ENOPH1: variants seen among roughly 807,000 people sequenced by gnomAD.
ENOPH1 encodes the protein enolase-phosphatase E1.
A neutral mutation model predicts 31.1 loss-of-function variants in ENOPH1; 14 were observed. That is an observed-to-expected ratio of 0.45 (90% CI 0.30 to 0.70). The LOEUF is 0.70. ENOPH1 is among the 30% of genes least tolerant of loss of function. ENOPH1 has a pLI of 0.09. For missense variants in ENOPH1, 243 were observed against 321.5 expected, an observed-to-expected ratio of 0.76 and a Z score of 1.87; for synonymous variants, 127 against 123.2, an observed-to-expected ratio of 1.03 and a Z score of -0.21.
intron 1 of ENOPH1, among the ~76,000 whole-genome samples, chr4:82,442,038 C>T (rs1019088608): frequency 2.0e-5 from 3 of 152,150 alleles, no homozygotes; most frequent in East Asian, 3.8e-4. Context: ...CTACCTGTGC[C>T]GATAAAGCTC....
chr4:82,458,457 C>T (rs969505358), intron 5 of ENOPH1, among the ~76,000 whole-genome samples: 1 of 152,208 alleles, frequency 6.6e-6, no homozygotes, highest in Admixed American at 6.5e-5. Flanking sequence ...TTGGGATGAG[C>T]CGAGATCATG....
At chr4:82,451,442 A>G (rs879039627) in intron 3 of ENOPH1, among the ~76,000 whole-genome samples, 197 bp downstream of exon 3, 1 of 151,922 alleles carries the variant, frequency 6.6e-6, no homozygotes, top group Admixed American at 6.6e-5. Context: ...GATTACCCGG[A>G]CCTGCCAGTC....
At chr4:82,430,981 T>G (rs1439387213) in intron 1 of ENOPH1, 68 bp downstream of exon 1, 1 of 1,453,834 alleles carries the variant, frequency 6.9e-7, no homozygotes, top group Non-Finnish European at 9.6e-7. Context: ...TCTAAGTATT[T>G]CAGGCCTTGC....
intron 1 of ENOPH1, among the ~76,000 whole-genome samples, chr4:82,441,820 A>T (rs1032379334): frequency 6.6e-6 from 1 of 152,110 alleles, no homozygotes; most frequent in African/African-American, 2.4e-5. Flanking sequence ...AAAACCAAAA[A>T]AGCCTAATGT....
At chr4:82,450,809 A>T (rs911720557) in intron 2 of ENOPH1, among the ~76,000 whole-genome samples, 1 of 152,200 alleles carries the variant, frequency 6.6e-6, no homozygotes, top group Admixed American at 6.5e-5. Context: ...CATATACAAC[A>T]TGCGTCTCAG....
chr4:82,432,698 C>T (rs1449609921), intron 1 of ENOPH1, among the ~76,000 whole-genome samples: 2 of 151,366 alleles, frequency 1.3e-5, no homozygotes, highest in South Asian at 2.1e-4. Flanking sequence ...TTCTGTCTCC[C>T]AGGCTGGAAT....
chr4:82,439,774 C>G (rs1297743367), intron 1 of ENOPH1, among the ~76,000 whole-genome samples: 2 of 152,056 alleles, frequency 1.3e-5, no homozygotes, highest in Non-Finnish European at 2.9e-5. Flanking sequence ...GTGATTGGAT[C>G]TGAATATATT....
At chr4:82,436,300 C>T (rs183382491) in intron 1 of ENOPH1, among the ~76,000 whole-genome samples, 1 of 152,294 alleles carries the variant, frequency 6.6e-6, no homozygotes, top group East Asian at 1.9e-4. Flanking sequence ...CAGCTACATT[C>T]ATGGTAGTAC....
intron 1 of ENOPH1, among the ~76,000 whole-genome samples, chr4:82,438,800 T>A (rs747281900): frequency 6.6e-6 from 1 of 152,242 alleles, no homozygotes; most frequent in African/African-American, 2.4e-5. Context: ...AAGTGCTTAC[T>A]TCTTCTTTGT....
intron 5 of ENOPH1, 87 bp from the exon 6 acceptor site, chr4:82,459,894 C>A: frequency 1.4e-6 from 2 of 1,464,894 alleles, no homozygotes; most frequent in South Asian, 1.2e-5. Context: ...TTCTTCCATC[C>A]CCACATCCCC....
chr4:82,449,478 C>T (rs76729065), intron 2 of ENOPH1, among the ~76,000 whole-genome samples: 5,270 of 152,176 alleles, frequency 0.035, 147 homozygotes, highest in Non-Finnish European at 0.056. Flanking sequence ...AAGGCAAAGC[C>T]GGAGCAGGCG....
intron 1 of ENOPH1, among the ~76,000 whole-genome samples, chr4:82,441,262 G>T (rs563039159): frequency 6.6e-6 from 1 of 152,288 alleles, no homozygotes; most frequent in South Asian, 2.1e-4. Context: ...GAAGAAGAAG[G>T]AAGAGCAAAG....
chr4:82,455,834 A>G (rs1388696441), intron 4 of ENOPH1, among the ~76,000 whole-genome samples: 1 of 152,178 alleles, frequency 6.6e-6, no homozygotes, highest in Non-Finnish European at 1.5e-5. Flanking sequence ...TAACTTGAAT[A>G]TAGACCGAAC....
chr4:82,446,084 T>TA (rs1193091278), intron 1 of ENOPH1, among the ~76,000 whole-genome samples: 6 of 152,148 alleles, frequency 3.9e-5, no homozygotes, highest in Non-Finnish European at 8.8e-5. Context: ...GAAATTTGGG[T>TA]AATCCTTGCT....
At chr4:82,442,525 A>C (rs186885207) in intron 1 of ENOPH1, among the ~76,000 whole-genome samples, 2 of 151,410 alleles carry the variant, frequency 1.3e-5, no homozygotes, top group African/African-American at 4.9e-5. Context: ...GTCTCAAAAA[A>C]ACAAACAAAA....
At chr4:82,440,977 C>A (rs556611319) in intron 1 of ENOPH1, among the ~76,000 whole-genome samples, 1 of 152,304 alleles carries the variant, frequency 6.6e-6, no homozygotes, top group East Asian at 1.9e-4. Flanking sequence ...GCAGCCAGAA[C>A]ACAGAAACTT....
At chr4:82,448,428 T>C (rs1376022005) in intron 2 of ENOPH1, among the ~76,000 whole-genome samples, 1 of 151,538 alleles carries the variant, frequency 6.6e-6, no homozygotes, top group Non-Finnish European at 1.5e-5. Flanking sequence ...GCCCAGCTAA[T>C]TTTTTGTATT....
At chr4:82,451,278 A>G (rs1722344395) in intron 3 of ENOPH1, 33 bp downstream of exon 3, 3 of 1,601,664 alleles carry the variant, frequency 1.9e-6, no homozygotes, top group Non-Finnish European at 1.7e-6. Flanking sequence ...ACATTTCACC[A>G]GTCCCAAATC....
chr4:82,449,036 C>A (rs991157854), intron 2 of ENOPH1, among the ~76,000 whole-genome samples: 4 of 122,498 alleles, frequency 3.3e-5, no homozygotes, highest in African/African-American at 9.6e-5. Context: ...CCAGCCTGGG[C>A]GACAGAGCGA....
Sources: gnomAD v4.1 joint callset for allele counts (sites outside exome capture counted in the v4.1 genomes callset) on GRCh38, gnomAD v4.1.1 for gene constraint, MANE v1.5 for transcripts, NCBI Gene and HGNC (gene_info 2026-07-23, HGNC 2026-07-21) for gene names.